The following PKN2 variants were observed in gnomAD, a reference collection of about 807,000 sequenced individuals.
PKN2 encodes protein kinase N2.
PKN2 carries 38 observed loss-of-function variants against 119.1 expected under a neutral mutation model. That is an observed-to-expected ratio of 0.32 (90% CI 0.25 to 0.42). PKN2 has a LOEUF of 0.42. Among genes scored for constraint, PKN2 ranks in the 10% least tolerant of loss-of-function variants. The pLI is 1.00. For missense variants in PKN2, 850 were observed against 1,165.1 expected (o/e 0.73, Z 3.94); for synonymous variants, 390 against 384.9 (o/e 1.01, Z -0.15).
chr1:88,768,398 A>G (rs1021457330), intron 3 of PKN2, among the ~76,000 whole-genome samples: 2 of 152,146 alleles, frequency 1.3e-5, no homozygotes, highest in African/African-American at 2.4e-5. Context: ...GGCTACTCAC[A>G]CTTCTTGGCT....
chr1:88,829,078 A>T (rs1032772905), intron 19 of PKN2: 13 of 680,058 alleles, frequency 1.9e-5, no homozygotes, highest in Admixed American at 5.8e-5. Flanking sequence ...CTGGGGAAGC[A>T]AAGTAGAATT....
chr1:88,809,126 CTATT>C (rs1671680321), intron 15 of PKN2, among the ~76,000 whole-genome samples: 1 of 151,882 alleles, frequency 6.6e-6, no homozygotes. Flanking sequence ...TTGGATTTTC[CTATT>C]TATTTTTCAC....
chr1:88,695,770 A>T (rs1200184780), intron 1 of PKN2, among the ~76,000 whole-genome samples: 8 of 152,068 alleles, frequency 5.3e-5, no homozygotes, highest in Non-Finnish European at 1.2e-4. Context: ...CTGGAATATC[A>T]TGTTTTACTC....
intron 1 of PKN2, among the ~76,000 whole-genome samples, chr1:88,732,270 G>A (rs1313747673): frequency 6.6e-6 from 1 of 152,120 alleles, no homozygotes; most frequent in African/African-American, 2.4e-5. Context: ...AAAAAAAGAA[G>A]TGGAGAAAAT....
At position 88,771,805 on chromosome 1, in the gene PKN2, C is replaced by T. The variant is rs1158531736; in HGVS notation, c.911C>T (p.Thr304Ile). The change falls in exon 6 of 22, where the codon ACA (threonine) becomes ATA (isoleucine). Residue 304 changes from threonine (T) to isoleucine (I), a missense_variant. By Grantham distance (89) the Thr-to-Ile change is moderately conservative (BLOSUM62 -1). Around this residue, in one of 9 missense-constraint regions of PKN2, gnomAD observed 350 missense variants for 511.1 expected, o/e 0.68. Transcript: ENST00000370521. ...EELSLVAASP[T>I]LSPRQSMIST... is the part of the protein sequence containing the mutation. ...CTTTCACTTGTTGCTGCATCACCAACACTAAGTCCACGTCAAAGTATGATA... is the reference window on the plus strand; with the variant it reads ...CTTTCACTTGTTGCTGCATCACCAATACTAAGTCCACGTCAAAGTATGATA... The T allele has an allele frequency of 1.9e-6, 3 of 1,613,952 alleles. No individual in the cohort carries two copies. Among genetic ancestry groups the T allele is most frequent in the East Asian group, 4.5e-5 (2 of 44,822 alleles).
At chr1:88,749,064 G>A (rs576113674) in intron 2 of PKN2, among the ~76,000 whole-genome samples, 1 of 152,194 alleles carries the variant, frequency 6.6e-6, no homozygotes, top group African/African-American at 2.4e-5. Context: ...TTATTAACCA[G>A]TCTAACAAGT....
intron 3 of PKN2, among the ~76,000 whole-genome samples, chr1:88,765,895 T>A (rs1299555850): frequency 6.6e-6 from 1 of 152,178 alleles, no homozygotes; most frequent in East Asian, 1.9e-4. Context: ...CACTGCAGCC[T>A]CCACCTCCCA....
chr1:88,744,790 G>A (rs1668709199), intron 2 of PKN2, among the ~76,000 whole-genome samples: 1 of 152,042 alleles, frequency 6.6e-6, no homozygotes, highest in East Asian at 1.9e-4. Flanking sequence ...TGTAAAATAA[G>A]GATTTTTATC....
At chr1:88,719,060 A>G (rs1439500200) in intron 1 of PKN2, among the ~76,000 whole-genome samples, 1 of 152,162 alleles carries the variant, frequency 6.6e-6, no homozygotes. Context: ...ACAAACCCTC[A>G]TGGTAATTTA....
rs56969212 is a variant in PKN2, at chr1:88,705,537, C to CA, written c.48+20921dup. Among the ~76,000 whole-genome samples the CA allele has an allele frequency of 1.2e-3, 172 of 148,442 alleles. 2 individuals are homozygous for CA. The highest frequency in any genetic ancestry group is 1.3e-3 in the African/African-American group (53 of 40,468). Reference sequence around the variant, plus strand: ...TGAAACCCCGTCTCTACTAAAAATACAAAAAAAAAAAATTAGCCGGTTGTG... The same window carrying CA: ...TGAAACCCCGTCTCTACTAAAAATACAAAAAAAAAAAAATTAGCCGGTTGTG... On this transcript the variant is annotated intron_variant, in intron 1 of 21. Coordinates refer to ENST00000370521, the MANE Select transcript of PKN2 (RefSeq NM_006256.4).
At chr1:88,693,178 T>A (rs954267698) in intron 1 of PKN2, among the ~76,000 whole-genome samples, 1 of 152,196 alleles carries the variant, frequency 6.6e-6, no homozygotes, top group African/African-American at 2.4e-5. Flanking sequence ...ATTAATAATA[T>A]TTTATTCTTT....
intron 1 of PKN2, among the ~76,000 whole-genome samples, chr1:88,733,630 G>A (rs1220170202): frequency 1.3e-5 from 2 of 152,098 alleles, no homozygotes; most frequent in Non-Finnish European, 2.9e-5. Context: ...TCTATGACTG[G>A]CATCCTTGCT....
chr1:88,700,883 A>G (rs745684839), intron 1 of PKN2, among the ~76,000 whole-genome samples: 26 of 152,116 alleles, frequency 1.7e-4, no homozygotes, highest in Non-Finnish European at 3.4e-4. Context: ...AAATCTTCCA[A>G]TTTTAATTTG....
At chr1:88,774,386 T>G (rs1670006116) in intron 6 of PKN2, among the ~76,000 whole-genome samples, 1 of 152,190 alleles carries the variant, frequency 6.6e-6, no homozygotes, top group African/African-American at 2.4e-5. Context: ...CTCAACCTCC[T>G]GAAGATATGA....
chr1:88,758,385 CTTTTA>C (rs1314817026), intron 2 of PKN2, among the ~76,000 whole-genome samples: 3 of 148,524 alleles, frequency 2.0e-5, no homozygotes, highest in East Asian at 2.0e-4. Context: ...TTTTTTTTAA[CTTTTA>C]TTTTAAGTTT....
At chr1:88,688,250 T>C (rs1035160919) in intron 1 of PKN2, among the ~76,000 whole-genome samples, 1 of 152,098 alleles carries the variant, frequency 6.6e-6, no homozygotes, top group Non-Finnish European at 1.5e-5. Flanking sequence ...CACACCCGGC[T>C]AATTTTTTGT....
intron 8 of PKN2, among the ~76,000 whole-genome samples, chr1:88,790,339 T>C (rs1670768874): frequency 6.6e-6 from 1 of 152,224 alleles, no homozygotes; most frequent in African/African-American, 2.4e-5. Flanking sequence ...TCTGAAAATA[T>C]GTATATTCTA....
At chr1:88,742,903 T>C (rs1314175101) in intron 2 of PKN2, among the ~76,000 whole-genome samples, 1 of 152,080 alleles carries the variant, frequency 6.6e-6, no homozygotes, top group Non-Finnish European at 1.5e-5. Flanking sequence ...AAGTTAACTT[T>C]ATTGTGGCTG....
chr1:88,730,399 T>A (rs1190692871), intron 1 of PKN2, among the ~76,000 whole-genome samples: 2 of 152,182 alleles, frequency 1.3e-5, no homozygotes, highest in African/African-American at 4.8e-5. Flanking sequence ...AGGCTCTCTC[T>A]CTTTCTGCTC....
Sources: gnomAD v4.1 joint callset for allele counts (sites outside exome capture counted in the v4.1 genomes callset) on GRCh38, gnomAD v4.1.1 for gene constraint, gnomAD v4.1.1 regional missense constraint, MANE v1.5 for transcripts, NCBI Gene and HGNC (gene_info 2026-07-23, HGNC 2026-07-21) for gene names.